PLD5: variants seen among roughly 807,000 people sequenced by gnomAD.
The protein encoded by PLD5 is inactive phospholipase D5.
Under a neutral mutation model 61.1 loss-of-function variants are expected in PLD5, and 36 were observed. The ratio of observed to expected loss-of-function variants is 0.59; its 90% CI spans 0.45 to 0.78. The LOEUF is 0.78. Ranked by LOEUF, PLD5 falls within the 30% of genes least tolerant of loss-of-function variation. The pLI is 0.00. For synonymous variants in PLD5, 243 were observed against 242.8 expected, an observed-to-expected ratio of 1.00 and a Z score of -0.01; for missense variants, 515 against 644.4, an observed-to-expected ratio of 0.80 and a Z score of 2.17.
intron 5 of PLD5, among the ~76,000 whole-genome samples, chr1:242,150,081 T>G (rs1222385779): frequency 6.6e-6 from 1 of 151,852 alleles, no homozygotes; most frequent in Non-Finnish European, 1.5e-5. Context: ...AGATTTCCTC[T>G]TCACACAATC....
intron 1 of PLD5, among the ~76,000 whole-genome samples, chr1:242,403,538 C>T (rs1304351778): frequency 1.3e-5 from 2 of 151,374 alleles, no homozygotes; most frequent in Non-Finnish European, 2.9e-5. Context: ...GATCTTGGCT[C>T]ACTGCAACCT....
chr1:242,437,462 C>A lies in PLD5; in HGVS notation c.189+86626G>T, dbSNP rs539141519. 1.4e-4 allele frequency among the ~76,000 whole-genome samples: 22 copies of A among 152,174 alleles called. No individual in the cohort carries two copies. The South Asian group carries it at 4.6e-3, about 32-fold the overall frequency. ...CTGTAATCCCAGCACTTTGGGAAGCCGAGATGGGCGGATCACCTGAGGTCA... is the reference window on the plus strand; with the variant it reads ...CTGTAATCCCAGCACTTTGGGAAGCAGAGATGGGCGGATCACCTGAGGTCA... On this transcript the variant is annotated intron_variant, in intron 1 of 9. Transcript: ENST00000536534.
At position 242,087,286 on chromosome 1, in the gene PLD5, T is replaced by C. The variant is rs1659519511; in HGVS notation, c.*2568A>G. 1 of 152,108 alleles carries C rather than the reference T, an allele frequency of 6.6e-6. No homozygotes were observed. The highest frequency in any genetic ancestry group is 2.1e-4 in the South Asian group (1 of 4,816). The allele number at this position is 152,108 out of a possible 1,614,324, so 9.4% of individuals were successfully genotyped here. A position where few individuals can be genotyped will look rare whatever the true frequency, so the allele number is the denominator to read the frequency against. ...TGCTGCTTGGCAGAAAAGCCTGGGA[T>C]GCGGCTCCTGGTGATAGCATTTTGC... On this transcript the variant is annotated 3_prime_UTR_variant, in exon 10 of 10. Transcript: ENST00000536534.
intron 5 of PLD5, among the ~76,000 whole-genome samples, chr1:242,162,515 C>G (rs1020005079): frequency 1.9e-4 from 29 of 152,166 alleles, no homozygotes; most frequent in African/African-American, 6.5e-4. Context: ...AAGCCAGTGT[C>G]TGCATTTATT....
intron 4 of PLD5, among the ~76,000 whole-genome samples, chr1:242,250,990 GGTTT>G (rs1672668137): frequency 6.6e-6 from 1 of 152,160 alleles, no homozygotes; most frequent in Non-Finnish European, 1.5e-5. Context: ...GTTAGCTCTA[GGTTT>G]CTTTGCGGGG....
At chr1:242,340,632 A>G (rs1315131189) in intron 2 of PLD5, among the ~76,000 whole-genome samples, 1 of 152,208 alleles carries the variant, frequency 6.6e-6, no homozygotes, top group Non-Finnish European at 1.5e-5. Context: ...ACATTAACAT[A>G]TTTAGTCTTT....
chr1:242,394,888 A>T (rs1400357565), intron 1 of PLD5, among the ~76,000 whole-genome samples: 1 of 74,626 alleles, frequency 1.3e-5, no homozygotes, highest in South Asian at 3.8e-4. Flanking sequence ...GAATATATGT[A>T]TATATATGAT....
intron 5 of PLD5, among the ~76,000 whole-genome samples, chr1:242,161,019 T>C (rs1245169822): frequency 6.6e-6 from 1 of 151,978 alleles, no homozygotes; most frequent in Non-Finnish European, 1.5e-5. Flanking sequence ...TATTATCTTT[T>C]TTTATCAGTA....
chr1:242,494,621 A>G (rs1324850558), intron 1 of PLD5, among the ~76,000 whole-genome samples: 5 of 152,128 alleles, frequency 3.3e-5, no homozygotes, highest in Non-Finnish European at 7.3e-5. Flanking sequence ...CTTGCTGGAT[A>G]CTACCTCAAA....
intron 1 of PLD5, among the ~76,000 whole-genome samples, chr1:242,451,687 T>C (rs571979137): frequency 2.6e-5 from 4 of 152,136 alleles, no homozygotes; most frequent in Admixed American, 2.6e-4. Flanking sequence ...CTCGAACTCC[T>C]GAGCTCAGGT....
chr1:242,465,292 A>G (rs984852531), intron 1 of PLD5, among the ~76,000 whole-genome samples: 1 of 152,194 alleles, frequency 6.6e-6, no homozygotes, highest in Non-Finnish European at 1.5e-5. Flanking sequence ...TCACCTGCAC[A>G]CTATTACCAG....
At chr1:242,407,557 TTTTG>T (rs1052534740) in intron 1 of PLD5, among the ~76,000 whole-genome samples, 3 of 116,392 alleles carry the variant, frequency 2.6e-5, no homozygotes, top group African/African-American at 7.3e-5. Context: ...GTTGTGGTTG[TTTTG>T]TTTTTTTTTT....
In PLD5 at chr1:242,131,835, CTTTTTTT is replaced by C. The variant is rs10694688; in HGVS notation, c.736-7177_736-7171del. ...CCAGAAAAGTATTTTTCTTTCTTTC[CTTTTTTT>C]TTTTTTTTTTGAGATGGAGTCTCAT... On this transcript the variant is annotated intron_variant, in intron 5 of 9. Coordinates refer to ENST00000536534, the MANE Select transcript of PLD5 (RefSeq NM_001372062.1). Among the ~76,000 whole-genome samples, 6 of 122,832 alleles carry C rather than the reference CTTTTTTT, an allele frequency of 4.9e-5. No homozygotes were observed. In the Admixed American group the frequency reaches 5.4e-4, roughly 11 times the overall value. 80.6% of individuals were successfully genotyped at this position (122,832 alleles called of 152,430 possible). A position where few individuals can be genotyped will look rare whatever the true frequency, so the allele number is the denominator to read the frequency against.
At chr1:242,219,620 A>G (rs1481022810) in intron 5 of PLD5, among the ~76,000 whole-genome samples, 1 of 152,234 alleles carries the variant, frequency 6.6e-6, no homozygotes, top group Non-Finnish European at 1.5e-5. Context: ...AATGATTACT[A>G]TCCTAAGACA....
At chr1:242,463,886 A>G (rs989557921) in intron 1 of PLD5, among the ~76,000 whole-genome samples, 60 of 151,668 alleles carry the variant, frequency 4.0e-4, no homozygotes, top group African/African-American at 1.4e-3. Flanking sequence ...TTCTCCCCAT[A>G]TTCTCCACCA....
At chr1:242,176,580 C>G (rs143461512) in intron 5 of PLD5, among the ~76,000 whole-genome samples, 1 of 152,248 alleles carries the variant, frequency 6.6e-6, no homozygotes, top group East Asian at 1.9e-4. Context: ...CCAAATTTGA[C>G]AAATGGGACT....
At chr1:242,364,702 C>T (rs1318670263) in intron 1 of PLD5, among the ~76,000 whole-genome samples, 1 of 151,618 alleles carries the variant, frequency 6.6e-6, no homozygotes, top group Non-Finnish European at 1.5e-5. Context: ...GTTGATAGAG[C>T]AAGACTCTGT....
chr1:242,269,356 C>T (rs1346630208), intron 3 of PLD5, among the ~76,000 whole-genome samples: 2 of 151,754 alleles, frequency 1.3e-5, no homozygotes, highest in Admixed American at 6.6e-5. Flanking sequence ...ACAGTAGAGT[C>T]GTATGCAGGA....
chr1:242,289,722 G>A (rs376075389), intron 2 of PLD5, among the ~76,000 whole-genome samples: 3 of 152,158 alleles, frequency 2.0e-5, no homozygotes, highest in South Asian at 2.1e-4. Flanking sequence ...CCAGAACACC[G>A]ATTTGCATTG....
Sources: gnomAD v4.1 joint callset for allele counts (sites outside exome capture counted in the v4.1 genomes callset) on GRCh38, gnomAD v4.1.1 for gene constraint, MANE v1.5 for transcripts, NCBI Gene and HGNC (gene_info 2026-07-23, HGNC 2026-07-21) for gene names.